Variants in FGF10 observed in about 807,000 individuals in gnomAD.
FGF10 encodes the protein fibroblast growth factor 10.
Under a neutral mutation model 19.8 loss-of-function variants are expected in FGF10, and 2 were observed. The ratio of observed to expected loss-of-function variants is 0.10; its 90% CI spans 0.04 to 0.32. The LOEUF is 0.32. Ranked by LOEUF, FGF10 falls within the 10% of genes least tolerant of loss-of-function variation. The pLI is 1.00. For missense variants in FGF10, 191 were observed against 246.3 expected (o/e 0.78, Z 1.50); for synonymous variants, 112 against 94.0 (o/e 1.19, Z -1.10).
intron 1 of FGF10, among the ~76,000 whole-genome samples, chr5:44,337,679 C>T (rs149627509): frequency 1.4e-4 from 21 of 152,290 alleles, no homozygotes; most frequent in South Asian, 2.1e-4. Flanking sequence ...TGGTGGCTCA[C>T]GCCTGTAATC....
At chr5:44,379,325 C>T (rs561109345) in intron 1 of FGF10, among the ~76,000 whole-genome samples, 1 of 152,310 alleles carries the variant, frequency 6.6e-6, no homozygotes, top group African/African-American at 2.4e-5. Flanking sequence ...CTATCTGACA[C>T]AAAGCAAGCA....
At chr5:44,312,069 T>A (rs1164528198) in intron 1 of FGF10, among the ~76,000 whole-genome samples, 2 of 151,922 alleles carry the variant, frequency 1.3e-5, no homozygotes, top group African/African-American at 4.8e-5. Context: ...AGCACTCCTT[T>A]TCATCAAAAG....
At chr5:44,328,211 T>A (rs557775479) in intron 1 of FGF10, among the ~76,000 whole-genome samples, 2 of 152,204 alleles carry the variant, frequency 1.3e-5, no homozygotes, top group Non-Finnish European at 2.9e-5. Context: ...GGCTAACTAC[T>A]AAACAACGTA....
chr5:44,346,727 T>C (rs572317639), intron 1 of FGF10, among the ~76,000 whole-genome samples: 2 of 151,872 alleles, frequency 1.3e-5, no homozygotes, highest in Non-Finnish European at 2.9e-5. Context: ...AGTAGCTCCA[T>C]CTTGAACTTT....
chr5:44,361,835 C>T (rs1741489082), intron 1 of FGF10, among the ~76,000 whole-genome samples: 1 of 151,608 alleles, frequency 6.6e-6, no homozygotes, highest in Non-Finnish European at 1.5e-5. Context: ...TTCCTAAGCA[C>T]CTATATACCA....
intron 1 of FGF10, among the ~76,000 whole-genome samples, chr5:44,350,946 A>T (rs1428855300): frequency 6.6e-6 from 1 of 151,362 alleles, no homozygotes; most frequent in Non-Finnish European, 1.5e-5. Context: ...ATGCCCGCTG[A>T]TAATTATTAT....
At chr5:44,322,281 C>G (rs975705226) in intron 1 of FGF10, among the ~76,000 whole-genome samples, 1 of 152,122 alleles carries the variant, frequency 6.6e-6, no homozygotes, top group African/African-American at 2.4e-5. Flanking sequence ...AGAATGAGAA[C>G]TGTGTTCAAG....
intron 1 of FGF10, among the ~76,000 whole-genome samples, chr5:44,317,722 A>G: frequency 6.6e-6 from 1 of 152,156 alleles, no homozygotes; most frequent in East Asian, 1.9e-4. Context: ...GGTAAACTTG[A>G]CTTTTTTTTT....
At chr5:44,372,445 CA>C (rs1257495873) in intron 1 of FGF10, among the ~76,000 whole-genome samples, 1 of 152,126 alleles carries the variant, frequency 6.6e-6, no homozygotes, top group Non-Finnish European at 1.5e-5. Context: ...TTAATTTAAT[CA>C]CATCTGCAAA....
intron 1 of FGF10, among the ~76,000 whole-genome samples, chr5:44,367,375 G>C (rs555693142): frequency 2.4e-4 from 36 of 152,136 alleles, no homozygotes; most frequent in African/African-American, 8.4e-4. Flanking sequence ...CTCTATGGAA[G>C]TTTCCTCTAG....
intron 1 of FGF10, among the ~76,000 whole-genome samples, chr5:44,346,273 C>A (rs1741088743): frequency 6.6e-6 from 1 of 151,676 alleles, no homozygotes; most frequent in Non-Finnish European, 1.5e-5. Context: ...CAGTGCTATC[C>A]AAAACCATCA....
chr5:44,344,152 C>G (rs1478456460), intron 1 of FGF10, among the ~76,000 whole-genome samples: 2 of 151,822 alleles, frequency 1.3e-5, no homozygotes. Context: ...AGCAAAGAGA[C>G]GTCCATAGAG....
At chr5:44,308,664 T>G (rs955161903) in intron 2 of FGF10, among the ~76,000 whole-genome samples, 1 of 152,022 alleles carries the variant, frequency 6.6e-6, no homozygotes, top group Non-Finnish European at 1.5e-5. Context: ...AATGGAGAAA[T>G]TTTACTAAAA....
intron 1 of FGF10, among the ~76,000 whole-genome samples, chr5:44,329,361 G>C (rs1042100566): frequency 6.6e-6 from 1 of 152,074 alleles, no homozygotes; most frequent in Admixed American, 6.6e-5. Flanking sequence ...ATTTTTAGTA[G>C]ACGCGGGGTT....
chr5:44,370,317 T>A lies in FGF10; in HGVS notation c.325+18041A>T, dbSNP rs565497729. On this transcript the variant is annotated intron_variant, in intron 1 of 2. Coordinates refer to ENST00000264664, the MANE Select transcript of FGF10 (RefSeq NM_004465.2). ...TGGGCATTCTATCTCTAAGAAAGTT[T>A]CAGAAACCTCCTGGGGATTGGAATG... 3.9e-5 allele frequency among the ~76,000 whole-genome samples: 6 copies of A among 152,232 alleles called. No homozygotes were observed. The South Asian group carries it at 1.2e-3, about 32-fold the overall frequency.
intron 1 of FGF10, among the ~76,000 whole-genome samples, chr5:44,321,824 C>T (rs768407069): frequency 3.9e-5 from 6 of 152,148 alleles, no homozygotes; most frequent in African/African-American, 4.8e-5. Flanking sequence ...TGCAGTGGCA[C>T]GATCTCAGTT....
intron 1 of FGF10, among the ~76,000 whole-genome samples, chr5:44,344,568 C>CTGTGTGTGCGTGTGTG (rs1554037822): frequency 1.6e-5 from 2 of 126,790 alleles, no homozygotes; most frequent in Non-Finnish European, 3.3e-5. Context: ...TTTGTTTTCT[C>CTGTGTGTGCGTGTGTG]TGTGTGTGTG....
chr5:44,372,325 C>T (rs536028000), intron 1 of FGF10, among the ~76,000 whole-genome samples: 131 of 152,242 alleles, frequency 8.6e-4, no homozygotes, highest in Non-Finnish European at 1.5e-3. Flanking sequence ...TCATCTTCTG[C>T]CTTCTGTGTG....
At chr5:44,351,196 TC>T (rs1741224782) in intron 1 of FGF10, among the ~76,000 whole-genome samples, 1 of 151,490 alleles carries the variant, frequency 6.6e-6, no homozygotes, top group South Asian at 2.1e-4. Context: ...TTTATCTCAT[TC>T]AAAATACACT....
Sources: gnomAD v4.1 joint callset for allele counts (sites outside exome capture counted in the v4.1 genomes callset) on GRCh38, gnomAD v4.1.1 for gene constraint, MANE v1.5 for transcripts, NCBI Gene and HGNC (gene_info 2026-07-23, HGNC 2026-07-21) for gene names.